Variants in ELOVL7 observed in about 807,000 individuals in gnomAD.
ELOVL7 encodes the protein very long chain fatty acid elongase 7.
ELOVL7 carries 27 observed loss-of-function variants against 35.7 expected under a neutral mutation model. That is an observed-to-expected ratio of 0.76 (90% CI 0.56 to 1.04). The LOEUF (loss-of-function observed/expected upper bound fraction) is 1.04, where lower values mean the gene tolerates loss of function less well. Ranked by LOEUF, ELOVL7 falls within the 50% of genes least tolerant of loss-of-function variation. The probability of loss-of-function intolerance (pLI) is 0.00; values close to 1 mark genes in which losing one functional copy is unlikely to be tolerated. For synonymous variants in ELOVL7, 113 were observed against 114.6 expected (o/e 0.99, Z 0.09); for missense variants, 327 against 340.8 (o/e 0.96, Z 0.32).
intron 3 of ELOVL7, among the ~76,000 whole-genome samples, chr5:60,786,333 A>C (rs1743583466): frequency 6.6e-6 from 1 of 152,214 alleles, no homozygotes; most frequent in Non-Finnish European, 1.5e-5. Flanking sequence ...GCAACACAAC[A>C]TATTTGTTGT....
At chr5:60,759,390 C>G (rs182829381) in intron 7 of ELOVL7, among the ~76,000 whole-genome samples, 2 of 152,118 alleles carry the variant, frequency 1.3e-5, no homozygotes, top group Admixed American at 1.3e-4. Flanking sequence ...ATAAGAACAC[C>G]TTTTCTAGGT....
intron 2 of ELOVL7, among the ~76,000 whole-genome samples, chr5:60,795,337 G>C (rs1196773109): frequency 6.6e-6 from 1 of 152,130 alleles, no homozygotes; most frequent in Non-Finnish European, 1.5e-5. Flanking sequence ...TTGTAACTCA[G>C]CTCACACCCA....
intron 1 of ELOVL7, among the ~76,000 whole-genome samples, chr5:60,821,052 A>C (rs1448484842): frequency 1.3e-5 from 2 of 152,108 alleles, no homozygotes; most frequent in South Asian, 2.1e-4. Flanking sequence ...TGCCTAGTTC[A>C]CTTCCGTCTT....
At chr5:60,802,437 T>C (rs1409375645) in intron 1 of ELOVL7, among the ~76,000 whole-genome samples, 9 of 151,998 alleles carry the variant, frequency 5.9e-5, no homozygotes, top group African/African-American at 2.2e-4. Flanking sequence ...AGGCATAAAA[T>C]ACATGACAAA....
chr5:60,789,830 T>A (rs548624038), intron 2 of ELOVL7, among the ~76,000 whole-genome samples: 71 of 152,302 alleles, frequency 4.7e-4, no homozygotes, highest in African/African-American at 1.7e-3. Flanking sequence ...ATTTCCAAGA[T>A]AAATCACTAT....
At chr5:60,844,011 G>A (rs1352262652) in intron 1 of ELOVL7, 149 bp downstream of exon 1, 2 of 152,584 alleles carry the variant, frequency 1.3e-5, no homozygotes, top group Non-Finnish European at 2.9e-5. Flanking sequence ...CCGCACCCGG[G>A]TCCCACTTCT....
chr5:60,792,670 A>G (rs1744009450), intron 2 of ELOVL7, among the ~76,000 whole-genome samples: 2 of 152,170 alleles, frequency 1.3e-5, no homozygotes, highest in Admixed American at 1.3e-4. Flanking sequence ...CAACACAGCA[A>G]GACCCCATCT....
intron 8 of ELOVL7, among the ~76,000 whole-genome samples, chr5:60,756,160 T>C (rs1487384870): frequency 1.3e-5 from 2 of 152,170 alleles, no homozygotes; most frequent in African/African-American, 2.4e-5. Flanking sequence ...GATGAAAAAA[T>C]GTCCATCCTA....
chr5:60,761,053 C>T (rs1741880375), intron 7 of ELOVL7, among the ~76,000 whole-genome samples: 1 of 152,090 alleles, frequency 6.6e-6, no homozygotes, highest in Admixed American at 6.6e-5. Context: ...ACAAAACAAC[C>T]ATATTTTAAT....
chr5:60,760,570 T>C (rs562321192), intron 7 of ELOVL7, among the ~76,000 whole-genome samples: 75 of 152,308 alleles, frequency 4.9e-4, no homozygotes, highest in African/African-American at 1.8e-3. Context: ...TTGTGAATAT[T>C]TTCTCCCATT....
At chr5:60,827,442 G>T (rs1478858822) in intron 1 of ELOVL7, among the ~76,000 whole-genome samples, 1 of 152,110 alleles carries the variant, frequency 6.6e-6, no homozygotes, top group Non-Finnish European at 1.5e-5. Context: ...TATAAAAGCT[G>T]TCATGTCAAA....
At chr5:60,808,610 TTTACTC>T (rs1745079714) in intron 1 of ELOVL7, among the ~76,000 whole-genome samples, 1 of 152,166 alleles carries the variant, frequency 6.6e-6, no homozygotes, top group African/African-American at 2.4e-5. Flanking sequence ...ACCCAGCAAT[TTTACTC>T]TTAATATTAA....
intron 1 of ELOVL7, among the ~76,000 whole-genome samples, chr5:60,819,923 T>C (rs1193888993): frequency 6.6e-6 from 1 of 152,200 alleles, no homozygotes; most frequent in Non-Finnish European, 1.5e-5. Context: ...CAGATGTAAT[T>C]AAATGTATAG....
At chr5:60,785,809 CTA>C (rs1743544247) in intron 3 of ELOVL7, 1 of 152,168 alleles carries the variant, frequency 6.6e-6, no homozygotes. Context: ...GCTTCTCTCT[CTA>C]TGAGATACTT....
chr5:60,770,669 T>A (rs1982595), intron 4 of ELOVL7, among the ~76,000 whole-genome samples: 41,753 of 152,074 alleles, frequency 0.27, 9,540 homozygotes, highest in African/African-American at 0.63. Context: ...GCAGAGTGAG[T>A]CCAGACTATA....
chr5:60,778,564 T>C (rs945081792), intron 3 of ELOVL7, among the ~76,000 whole-genome samples: 2 of 152,164 alleles, frequency 1.3e-5, no homozygotes, highest in Non-Finnish European at 2.9e-5. Context: ...CCATCAGCTC[T>C]TGTGAGAAAC....
intron 1 of ELOVL7, among the ~76,000 whole-genome samples, chr5:60,803,140 C>T (rs918344009): frequency 5.3e-5 from 8 of 152,154 alleles, no homozygotes; most frequent in African/African-American, 1.4e-4. Context: ...ATTTAAACCA[C>T]GCACTGAAAA....
intron 2 of ELOVL7, among the ~76,000 whole-genome samples, chr5:60,798,678 T>A (rs913789732): frequency 6.6e-6 from 1 of 152,176 alleles, no homozygotes; most frequent in Non-Finnish European, 1.5e-5. Context: ...TAAATACATA[T>A]GTACCCAACA....
intron 3 of ELOVL7, chr5:60,784,026 C>A: frequency 1.3e-6 from 1 of 754,374 alleles, no homozygotes; most frequent in Non-Finnish European, 2.3e-6. Flanking sequence ...TGATTTATTA[C>A]TAGCTTAATA....
Sources: allele counts gnomAD v4.1 joint callset (sites outside exome capture counted in the v4.1 genomes callset), GRCh38; gene constraint gnomAD v4.1.1; transcripts MANE v1.5; gene names NCBI Gene and HGNC (gene_info 2026-07-23, HGNC 2026-07-21).